Variants in GRM7 observed in about 807,000 individuals in gnomAD.
The protein encoded by GRM7 is metabotropic glutamate receptor 7.
GRM7 carries 35 observed loss-of-function variants against 84.5 expected under a neutral mutation model. That is an observed-to-expected ratio of 0.41 (90% CI 0.32 to 0.55). The LOEUF (loss-of-function observed/expected upper bound fraction) is 0.55, where lower values mean the gene tolerates loss of function less well. Ranked by LOEUF, GRM7 falls within the 20% of genes least tolerant of loss-of-function variation. The pLI is 0.19. For missense variants in GRM7, 1,003 were observed against 1,194.6 expected, an observed-to-expected ratio of 0.84 and a Z score of 2.36; for synonymous variants, 487 against 455.1, an observed-to-expected ratio of 1.07 and a Z score of -0.89.
At chr3:7,739,856 T>A (rs377272027) in intron 9 of GRM7, among the ~76,000 whole-genome samples, 7 of 152,316 alleles carry the variant, frequency 4.6e-5, no homozygotes, top group African/African-American at 1.7e-4. Context: ...TAACTTACAG[T>A]TAACACTATA....
intron 3 of GRM7, among the ~76,000 whole-genome samples, chr3:7,300,984 A>T (rs1466023094): frequency 6.6e-6 from 1 of 152,168 alleles, no homozygotes; most frequent in Non-Finnish European, 1.5e-5. Flanking sequence ...CTAATGCTTC[A>T]TATTTAATAA....
At chr3:7,223,595 A>G (rs1266041566) in intron 2 of GRM7, among the ~76,000 whole-genome samples, 1 of 151,666 alleles carries the variant, frequency 6.6e-6, no homozygotes, top group Non-Finnish European at 1.5e-5. Context: ...AATGTTTTAT[A>G]TTTTATTTTG....
At chr3:7,687,899 A>G (rs538213429) in intron 9 of GRM7, among the ~76,000 whole-genome samples, 2 of 152,258 alleles carry the variant, frequency 1.3e-5, no homozygotes, top group African/African-American at 2.4e-5. Context: ...TATTGTTCAC[A>G]TAGTTATTTC....
At chr3:7,005,547 T>G (rs1695153313) in intron 1 of GRM7, among the ~76,000 whole-genome samples, 1 of 152,226 alleles carries the variant, frequency 6.6e-6, no homozygotes, top group South Asian at 2.1e-4. Context: ...AGATGTATTT[T>G]AAAACATACT....
chr3:7,050,751 A>G (rs891604921), intron 1 of GRM7, among the ~76,000 whole-genome samples: 1 of 151,886 alleles, frequency 6.6e-6, no homozygotes, highest in African/African-American at 2.4e-5. Flanking sequence ...GTTGTTTCAT[A>G]TGGTCATCAG....
At chr3:7,713,137 T>TG (rs1559501776) in intron 9 of GRM7, among the ~76,000 whole-genome samples, 1 of 136,920 alleles carries the variant, frequency 7.3e-6, no homozygotes, top group Non-Finnish European at 1.6e-5. Context: ...TTTTTTTTTT[T>TG]TTTTTTTTTT....
intron 4 of GRM7, among the ~76,000 whole-genome samples, chr3:7,317,469 G>C (rs978557282): frequency 2.6e-5 from 4 of 152,096 alleles, no homozygotes; most frequent in Non-Finnish European, 5.9e-5. Flanking sequence ...AATAACTTAA[G>C]AGAAACTTAA....
At chr3:7,319,691 A>G (rs2125051387) in intron 4 of GRM7, among the ~76,000 whole-genome samples, 1 of 152,194 alleles carries the variant, frequency 6.6e-6, no homozygotes. Context: ...TAAACTTTAC[A>G]CAAAAGCCAA....
chr3:6,974,292 A>G (rs1429060777), intron 1 of GRM7, among the ~76,000 whole-genome samples: 1 of 152,172 alleles, frequency 6.6e-6, no homozygotes, highest in Non-Finnish European at 1.5e-5. Context: ...GAGAAAAAAA[A>G]TTGACATGTT....
intron 1 of GRM7, among the ~76,000 whole-genome samples, chr3:6,913,640 C>A (rs180828325): frequency 6.6e-6 from 1 of 152,024 alleles, no homozygotes; most frequent in Non-Finnish European, 1.5e-5. Context: ...TATAATAAAC[C>A]TTTTGGTTTC....
chr3:7,150,087 G>C (rs1317303415), intron 2 of GRM7, among the ~76,000 whole-genome samples: 2 of 82,438 alleles, frequency 2.4e-5, no homozygotes, highest in Non-Finnish European at 6.4e-5. Context: ...GTGTGTGTGT[G>C]AGAGAGAGAG....
At chr3:7,362,154 T>C (rs536077892) in intron 4 of GRM7, among the ~76,000 whole-genome samples, 2 of 152,230 alleles carry the variant, frequency 1.3e-5, no homozygotes, top group African/African-American at 4.8e-5. Context: ...GAAATGCTGC[T>C]TTATAATAGT....
At chr3:7,150,209 G>T (rs1559471584) in intron 2 of GRM7, among the ~76,000 whole-genome samples, 1 of 152,036 alleles carries the variant, frequency 6.6e-6, no homozygotes, top group Non-Finnish European at 1.5e-5. Context: ...GACTTTGAAG[G>T]TTGTGATTCT....
chr3:6,898,231 A>G (rs1270656679), intron 1 of GRM7, among the ~76,000 whole-genome samples: 1 of 152,184 alleles, frequency 6.6e-6, no homozygotes, highest in Non-Finnish European at 1.5e-5. Context: ...GAGAGAGACA[A>G]GTAGTTAGTG....
At chr3:7,351,988 A>T (rs554482382) in intron 4 of GRM7, among the ~76,000 whole-genome samples, 1 of 150,786 alleles carries the variant, frequency 6.6e-6, no homozygotes, top group Non-Finnish European at 1.5e-5. Flanking sequence ...ATGTGAGCCA[A>T]TTCCCCCTGA....
intron 4 of GRM7, among the ~76,000 whole-genome samples, chr3:7,402,247 T>G (rs1183102627): frequency 6.6e-6 from 1 of 152,206 alleles, no homozygotes; most frequent in African/African-American, 2.4e-5. Flanking sequence ...CAGATAAGGT[T>G]ACGTGCTCAC....
At chr3:7,645,284 C>T (rs926194203) in intron 8 of GRM7, among the ~76,000 whole-genome samples, 9 of 152,038 alleles carry the variant, frequency 5.9e-5, no homozygotes, top group Non-Finnish European at 1.3e-4. Context: ...CACAGTGGCT[C>T]ACGCCTGTAA....
chr3:6,965,442 C>A (rs1693478884), intron 1 of GRM7, among the ~76,000 whole-genome samples: 1 of 152,112 alleles, frequency 6.6e-6, no homozygotes. Context: ...CTTAGCCTCC[C>A]CAGTAGCTGG....
intron 1 of GRM7, among the ~76,000 whole-genome samples, chr3:6,991,149 A>G (rs905169663): frequency 3.3e-5 from 5 of 152,116 alleles, no homozygotes; most frequent in African/African-American, 9.7e-5. Context: ...GTTTACTCCC[A>G]TTGTGCATGA....
Sources: allele counts gnomAD v4.1 joint callset (sites outside exome capture counted in the v4.1 genomes callset), GRCh38; gene constraint gnomAD v4.1.1; transcripts MANE v1.5; gene names NCBI Gene and HGNC (gene_info 2026-07-23, HGNC 2026-07-21).